CSMD3: variants seen among roughly 807,000 people sequenced by gnomAD.
CSMD3 encodes the protein CUB and Sushi multiple domains 3.
A neutral mutation model predicts 435.2 loss-of-function variants in CSMD3; 177 were observed. That is an observed-to-expected ratio of 0.41 (90% CI 0.36 to 0.46). The LOEUF is 0.46. CSMD3 is among the 20% of genes least tolerant of loss of function. The pLI is 0.34. For synonymous variants in CSMD3, 1,656 were observed against 1,520.5 expected (o/e 1.09, Z -2.07); for missense variants, 4,265 against 4,504.6 (o/e 0.95, Z 1.52).
intron 4 of CSMD3, among the ~76,000 whole-genome samples, chr8:113,145,750 T>C (rs764067158): frequency 1.3e-5 from 2 of 151,616 alleles, no homozygotes; most frequent in Non-Finnish European, 3.0e-5. Context: ...TCTAGATTGG[T>C]ACATGACACA....
At chr8:112,299,966 C>A (rs1385868568) in intron 53 of CSMD3, among the ~76,000 whole-genome samples, 4 of 151,238 alleles carry the variant, frequency 2.6e-5, no homozygotes, top group Non-Finnish European at 5.9e-5. Context: ...AAACCACATA[C>A]TATATACAAT....
At chr8:112,339,437 T>G (rs1824886407) in intron 42 of CSMD3, among the ~76,000 whole-genome samples, 1 of 152,110 alleles carries the variant, frequency 6.6e-6, no homozygotes, top group Non-Finnish European at 1.5e-5. Flanking sequence ...AAAGATTCTG[T>G]ATCTGGGCCC....
At chr8:112,496,758 A>G (rs1821389563) in intron 30 of CSMD3, among the ~76,000 whole-genome samples, 1 of 152,106 alleles carries the variant, frequency 6.6e-6, no homozygotes, top group Non-Finnish European at 1.5e-5. Flanking sequence ...AATTGAACTC[A>G]TGGAGTTAGA....
intron 11 of CSMD3, among the ~76,000 whole-genome samples, chr8:112,841,362 C>T (rs1039363065): frequency 6.6e-6 from 1 of 151,782 alleles, no homozygotes; most frequent in African/African-American, 2.4e-5. Context: ...CTGTCTCAGA[C>T]ACTCTTCTCT....
chr8:112,864,019 C>A (rs1214604751), intron 10 of CSMD3, among the ~76,000 whole-genome samples: 2 of 151,832 alleles, frequency 1.3e-5, no homozygotes, highest in African/African-American at 2.4e-5. Context: ...CTTAGAGGTT[C>A]CAGGCAGGGC....
chr8:112,529,834 C>G (rs566372826), intron 27 of CSMD3, among the ~76,000 whole-genome samples: 53 of 152,214 alleles, frequency 3.5e-4, no homozygotes, highest in African/African-American at 1.2e-3. Flanking sequence ...AATCTCCAGA[C>G]AGCAGCCTTA....
At chr8:113,026,593 A>T (rs2086884969) in intron 5 of CSMD3, among the ~76,000 whole-genome samples, 1 of 152,208 alleles carries the variant, frequency 6.6e-6, no homozygotes, top group Admixed American at 6.5e-5. Context: ...TACTTAGCAT[A>T]ATGATTGATG....
At chr8:112,474,092 A>G (rs1004359232) in intron 31 of CSMD3, among the ~76,000 whole-genome samples, 8 of 152,152 alleles carry the variant, frequency 5.3e-5, no homozygotes, top group Non-Finnish European at 1.0e-4. Context: ...CTATTAATAG[A>G]GTAGTTTCAA....
At chr8:112,495,893 A>G (rs1281204004) in intron 30 of CSMD3, among the ~76,000 whole-genome samples, 1 of 151,470 alleles carries the variant, frequency 6.6e-6, no homozygotes, top group African/African-American at 2.4e-5. Flanking sequence ...TTTTAAAATT[A>G]TTTCTGCTGA....
intron 10 of CSMD3, among the ~76,000 whole-genome samples, chr8:112,910,323 A>C (rs2082372946): frequency 6.6e-6 from 1 of 151,634 alleles, no homozygotes; most frequent in African/African-American, 2.4e-5. Context: ...CTATTCATAA[A>C]AATTTCAGTT....
chr8:112,513,906 T>C (rs908085222), intron 28 of CSMD3, among the ~76,000 whole-genome samples: 30 of 152,188 alleles, frequency 2.0e-4, no homozygotes, highest in Non-Finnish European at 3.5e-4. Flanking sequence ...TCTTTTTTAT[T>C]GTTAGAAACA....
At chr8:113,199,152 A>G (rs1359231870) in intron 3 of CSMD3, among the ~76,000 whole-genome samples, 3 of 150,730 alleles carry the variant, frequency 2.0e-5, no homozygotes, top group Non-Finnish European at 4.4e-5. Flanking sequence ...CACATTGAAG[A>G]CGGTTCATTT....
chr8:112,744,918 C>A (rs1290572956), intron 13 of CSMD3, among the ~76,000 whole-genome samples: 1 of 152,090 alleles, frequency 6.6e-6, no homozygotes, highest in Non-Finnish European at 1.5e-5. Flanking sequence ...CTTGAGCACA[C>A]TGTAAACCTA....
At chr8:112,594,450 C>T (rs1318186149) in intron 22 of CSMD3, among the ~76,000 whole-genome samples, 1 of 152,172 alleles carries the variant, frequency 6.6e-6, no homozygotes, top group South Asian at 2.1e-4. Context: ...GAGGGGCGCC[C>T]GCCATTGCCC....
At chr8:112,551,650 G>A (rs1399657137) in intron 26 of CSMD3, among the ~76,000 whole-genome samples, 1 of 151,650 alleles carries the variant, frequency 6.6e-6, no homozygotes, top group Non-Finnish European at 1.5e-5. Context: ...AACAATGCAC[G>A]ACTTAGACTA....
rs981179120 is a variant in CSMD3, at chr8:112,921,819, G to T, written c.1509-68C>A. ...AACATAATAACTAGGCTTCACTTCT[G>T]CTGGCAATATCCAATAGGTCAAATA... On this transcript the variant is annotated intron_variant, in intron 9 of 70. Transcript: ENST00000297405. 1.3e-5 allele frequency: 16 copies of T among 1,264,324 alleles called. No individual in the cohort carries two copies. The African/African-American group carries it at 2.4e-4, about 19-fold the overall frequency. 78.3% of individuals were successfully genotyped at this position (1,264,324 alleles called of 1,614,324 possible).
intron 6 of CSMD3, among the ~76,000 whole-genome samples, chr8:113,005,083 T>C (rs1185110228): frequency 6.6e-6 from 1 of 151,788 alleles, no homozygotes; most frequent in East Asian, 1.9e-4. Context: ...ATAGTGTGTG[T>C]GTCAAGTGAT....
chr8:112,404,424 G>C (rs1299821776), intron 35 of CSMD3, among the ~76,000 whole-genome samples: 1 of 151,780 alleles, frequency 6.6e-6, no homozygotes, highest in Non-Finnish European at 1.5e-5. Context: ...CAGATACTTG[G>C]GAGGCTGAGG....
intron 16 of CSMD3, among the ~76,000 whole-genome samples, chr8:112,675,603 T>G (rs2075754754): frequency 6.6e-6 from 1 of 151,932 alleles, no homozygotes; most frequent in East Asian, 1.9e-4. Flanking sequence ...GGAGAAATAA[T>G]TATGAGGAAA....
Sources: allele counts gnomAD v4.1 joint callset (sites outside exome capture counted in the v4.1 genomes callset), GRCh38; gene constraint gnomAD v4.1.1; transcripts MANE v1.5; gene names NCBI Gene and HGNC (gene_info 2026-07-23, HGNC 2026-07-21).